Variants in PRKAR2A observed in about 807,000 individuals in gnomAD.
PRKAR2A encodes protein kinase cAMP-dependent type II regulatory subunit alpha, also known as cAMP-dependent protein kinase type II-alpha regulatory subunit.
A neutral mutation model predicts 51.9 loss-of-function variants in PRKAR2A; 29 were observed. That is an observed-to-expected ratio of 0.56 (90% CI 0.42 to 0.76). The LOEUF (loss-of-function observed/expected upper bound fraction) is 0.76, where lower values mean the gene tolerates loss of function less well. Ranked by LOEUF, PRKAR2A falls within the 30% of genes least tolerant of loss-of-function variation. The pLI is 0.00. For synonymous variants in PRKAR2A, 178 were observed against 186.2 expected, an observed-to-expected ratio of 0.96 and a Z score of 0.36; for missense variants, 445 against 512.1, an observed-to-expected ratio of 0.87 and a Z score of 1.26.
chr3:48,791,254 T>C (rs1559622838), intron 3 of PRKAR2A, among the ~76,000 whole-genome samples: 2 of 114,936 alleles, frequency 1.7e-5, no homozygotes, highest in Non-Finnish European at 3.3e-5. Context: ...GCCACTGCAG[T>C]CCAGCCTAGC....
intron 1 of PRKAR2A, among the ~76,000 whole-genome samples, chr3:48,815,697 GAA>G (rs76544989): frequency 8.2e-6 from 1 of 121,698 alleles, no homozygotes. Context: ...TGTCTCAGCG[GAA>G]AAAAAAAAAA....
intron 6 of PRKAR2A, 25 bp downstream of exon 6, chr3:48,772,930 A>T: frequency 6.2e-7 from 1 of 1,605,428 alleles, no homozygotes; most frequent in Non-Finnish European, 8.5e-7. Flanking sequence ...TGTGCCTTGC[A>T]AGGGGAACGA....
chr3:48,818,191 G>T (rs2082903201), intron 1 of PRKAR2A, among the ~76,000 whole-genome samples: 1 of 152,174 alleles, frequency 6.6e-6, no homozygotes, highest in Non-Finnish European at 1.5e-5. Flanking sequence ...AGCCAGGCAG[G>T]TAGGCACTTC....
chr3:48,789,281 C>T (rs1175489644), intron 4 of PRKAR2A, among the ~76,000 whole-genome samples: 1 of 152,146 alleles, frequency 6.6e-6, no homozygotes, highest in Non-Finnish European at 1.5e-5. Flanking sequence ...ATGTGGATGT[C>T]TGAAACCACA....
chr3:48,781,715 G>A (rs1316055193), intron 5 of PRKAR2A, among the ~76,000 whole-genome samples: 13 of 152,008 alleles, frequency 8.6e-5, no homozygotes, highest in East Asian at 1.9e-4. Flanking sequence ...GTTTCACTAC[G>A]TTGGCCAGGC....
chr3:48,802,596 C>T (rs1381925354), intron 2 of PRKAR2A, among the ~76,000 whole-genome samples: 2 of 152,088 alleles, frequency 1.3e-5, no homozygotes, highest in African/African-American at 4.8e-5. Context: ...CCCAGCTACT[C>T]AGAGGCTGAG....
chr3:48,838,694 T>C lies in PRKAR2A; in HGVS notation c.262+8641A>G, dbSNP rs1295133611. 2.6e-5 allele frequency among the ~76,000 whole-genome samples: 4 copies of C among 151,732 alleles called. 1 individual carries two copies. The highest frequency in any genetic ancestry group is 4.4e-5 in the Non-Finnish European group (3 of 67,934). On this transcript the variant is annotated intron_variant, in intron 1 of 10. Transcript: ENST00000265563. ...AGGAAAAATGTTCTAAAAATTGTTA[T>C]GGCGCCAGGCGCGATGGCTCATGCC... is the stretch of plus-strand genomic sequence containing the variant.
At chr3:48,763,699 GT>G (rs1362606926) in intron 8 of PRKAR2A, among the ~76,000 whole-genome samples, 1 of 152,040 alleles carries the variant, frequency 6.6e-6, no homozygotes, top group Non-Finnish European at 1.5e-5. Context: ...AATTGCACTT[GT>G]TTTTTAAGCC....
Position 48,765,275 on chromosome 3 carries a change from C to T in PRKAR2A, c.771G>A (p.Glu257=), listed in dbSNP as rs769122487. Residue 257 remains glutamate, a synonymous_variant, in exon 7 of 11, where the codon GAG becomes GAA. Coordinates refer to ENST00000265563, the MANE Select transcript of PRKAR2A (RefSeq NM_004157.4). ...CTAGTGATTTAAGGAGGGGCACAGA[C>T]TCAATAAATGATTCAAACATCTTCC... The part of the protein sequence containing the change: ...KKRKMFESFI[E]SVPLLKSLEV... 5.0e-6 allele frequency: 8 copies of T among 1,612,438 alleles called. No individual in the cohort carries two copies. In the African/African-American group the frequency reaches 1.1e-4, roughly 22 times the overall value.
chr3:48,795,999 T>C (rs2082486105), intron 2 of PRKAR2A, among the ~76,000 whole-genome samples: 1 of 152,230 alleles, frequency 6.6e-6, no homozygotes, highest in Admixed American at 6.5e-5. Flanking sequence ...CCATGTGTTA[T>C]TTGCAAAGAG....
chr3:48,759,996 T>C (rs1290626564), intron 8 of PRKAR2A, among the ~76,000 whole-genome samples: 2 of 152,176 alleles, frequency 1.3e-5, no homozygotes, highest in Admixed American at 1.3e-4. Flanking sequence ...TCTACATTAC[T>C]CTAAGAATAA....
intron 9 of PRKAR2A, among the ~76,000 whole-genome samples, chr3:48,753,276 T>G (rs568948723): frequency 1.3e-5 from 2 of 151,766 alleles, no homozygotes; most frequent in Non-Finnish European, 2.9e-5. Flanking sequence ...TATACTACAT[T>G]ATATTAATAT....
chr3:48,751,856 T>C, intron 10 of PRKAR2A, 138 bp from the exon 11 acceptor site: 2 of 1,047,472 alleles, frequency 1.9e-6, no homozygotes, highest in South Asian at 3.4e-5. Context: ...GGGATGTTTC[T>C]ATATGAATTC....
intron 2 of PRKAR2A, among the ~76,000 whole-genome samples, chr3:48,796,070 A>C (rs939049412): frequency 6.6e-6 from 1 of 152,234 alleles, no homozygotes; most frequent in East Asian, 1.9e-4. Context: ...TTTTACCAAG[A>C]ATGAACTAGT....
chr3:48,811,006 G>C (rs1047094025), intron 1 of PRKAR2A, among the ~76,000 whole-genome samples: 2 of 151,834 alleles, frequency 1.3e-5, no homozygotes, highest in African/African-American at 4.8e-5. Context: ...GAAAGACCCC[G>C]TGTCTTTACA....
Position 48,783,090 on chromosome 3 carries a change from T to C in PRKAR2A, c.438A>G (p.Glu146=). 3 of 1,608,364 alleles carry C rather than the reference T, an allele frequency of 1.9e-6. No individual in the cohort carries two copies. In the South Asian group the frequency reaches 3.3e-5, roughly 18 times the overall value. The change falls in exon 5 of 11, where the codon GAA becomes GAG. Residue 146 remains glutamate, a splice_region_variant and synonymous_variant. Coordinates refer to ENST00000265563, the MANE Select transcript of PRKAR2A (RefSeq NM_004157.4). ...TGGCATCGAGAACTTGAGAAAGCTGTTCCTGCAGGGTATGCACAAGAAGAA... is the reference window on the plus strand; with the variant it reads ...TGGCATCGAGAACTTGAGAAAGCTGCTCCTGCAGGGTATGCACAAGAAGAA... ...DILLFKNLDQ[E]QLSQVLDAMF...
At position 48,847,198 on chromosome 3, in the gene PRKAR2A, G is replaced by A. The variant is rs2083478213; in HGVS notation, c.262+137C>T. ...GCTCACGCCGGTGTCTCAGGGAAACGCTAGAAACGCGGCTACAGAGCTCCC... is the reference window on the plus strand; with the variant it reads ...GCTCACGCCGGTGTCTCAGGGAAACACTAGAAACGCGGCTACAGAGCTCCC... On this transcript the variant is annotated intron_variant, in intron 1 of 10. Coordinates refer to ENST00000265563, the MANE Select transcript of PRKAR2A (RefSeq NM_004157.4). This position sits in a 1 kb window ranked among gnomAD's most constrained non-coding sequence, Gnocchi z 4.4. The A allele has an allele frequency of 2.6e-6, 3 of 1,135,264 alleles. No homozygotes were observed. The highest frequency in any genetic ancestry group is 3.7e-6 in the Non-Finnish European group (3 of 821,104). The allele number at this position is 1,135,264 out of a possible 1,614,324, so 70.3% of individuals were successfully genotyped here. A position where few individuals can be genotyped will look rare whatever the true frequency, so the allele number is the denominator to read the frequency against.
intron 1 of PRKAR2A, among the ~76,000 whole-genome samples, chr3:48,820,770 CAAG>C (rs1243113749): frequency 6.6e-6 from 1 of 152,020 alleles, no homozygotes; most frequent in Non-Finnish European, 1.5e-5. Context: ...AGCAGAGAAA[CAAG>C]AAGGGGAGGA....
At chr3:48,800,931 T>C (rs7611628) in intron 2 of PRKAR2A, among the ~76,000 whole-genome samples, 124,387 of 152,036 alleles carry the variant, frequency 0.82, 51,248 homozygotes, top group East Asian at 1. Context: ...CCTCAGCCTC[T>C]CAAAGTGCTG....
Sources: allele counts gnomAD v4.1 joint callset (sites outside exome capture counted in the v4.1 genomes callset), GRCh38; gene constraint gnomAD v4.1.1; non-coding constraint Gnocchi (gnomAD v3.1); transcripts MANE v1.5; gene names NCBI Gene and HGNC (gene_info 2026-07-23, HGNC 2026-07-21).